WDR41: variants seen among roughly 807,000 people sequenced by gnomAD.
WDR41 encodes the protein WD repeat domain 41.
WDR41 carries 63 observed loss-of-function variants against 69.3 expected under a neutral mutation model. The ratio of observed to expected loss-of-function variants is 0.91; its 90% CI spans 0.74 to 1.12. The LOEUF is 1.12. Among genes scored for constraint, WDR41 ranks in the 50% most tolerant of loss-of-function variants. The probability of loss-of-function intolerance (pLI) is 0.00; values close to 1 mark genes in which losing one functional copy is unlikely to be tolerated. For synonymous variants in WDR41, 185 were observed against 192.1 expected, an observed-to-expected ratio of 0.96 and a Z score of 0.31; for missense variants, 543 against 534.5, an observed-to-expected ratio of 1.02 and a Z score of -0.16.
Position 77,546,029 on chromosome 5 carries a change from A to C in WDR41, c.43-56457T>G, listed in dbSNP as rs967630123. 4.3e-5 allele frequency: 23 copies of C among 539,738 alleles called. No homozygotes were observed. The Middle Eastern group carries it at 1.5e-3, about 36-fold the overall frequency. 33.4% of individuals were successfully genotyped at this position (539,738 alleles called of 1,614,324 possible). A position where few individuals can be genotyped will look rare whatever the true frequency, so the allele number is the denominator to read the frequency against. On this transcript the variant is annotated intron_variant, in intron 1 of 5. Coordinates refer to the WDR41 transcript ENST00000509971. ...GGCCCCTGTGCCCAAGAAGCTGCTG[A>C]TGATGGCTGGTATTGATGACTGCTA...
intron 8 of WDR41, among the ~76,000 whole-genome samples, chr5:77,444,603 G>T (rs1231024647): frequency 1.3e-5 from 2 of 152,174 alleles, no homozygotes; most frequent in Non-Finnish European, 2.9e-5. Flanking sequence ...AAACAGATTT[G>T]CCCTGTGATG....
intron 1 of WDR41, among the ~76,000 whole-genome samples, chr5:77,600,929 A>C (rs74972467): frequency 6.9e-6 from 1 of 144,084 alleles, no homozygotes; most frequent in Non-Finnish European, 1.5e-5. Flanking sequence ...CTCTGTGTGT[A>C]TGTGTGTGTG....
At chr5:77,475,608 G>A (rs1800879540) in intron 2 of WDR41, among the ~76,000 whole-genome samples, 1 of 152,036 alleles carries the variant, frequency 6.6e-6, no homozygotes, top group African/African-American at 2.4e-5. Flanking sequence ...GCAGCTGAGG[G>A]TCCTGTCTGT....
At chr5:77,471,917 A>G (rs981686755) in intron 2 of WDR41, among the ~76,000 whole-genome samples, 6 of 152,218 alleles carry the variant, frequency 3.9e-5, no homozygotes, top group Non-Finnish European at 5.9e-5. Context: ...AATCCTCCTT[A>G]ACTCATGAGG....
chr5:77,511,085 T>G (rs1474361665), intron 1 of WDR41, among the ~76,000 whole-genome samples: 8 of 152,188 alleles, frequency 5.3e-5, no homozygotes, highest in African/African-American at 1.9e-4. Context: ...TTAGAATTTT[T>G]TAAAAAACTA....
chr5:77,551,669 C>A (rs1181839767), intron 1 of WDR41, among the ~76,000 whole-genome samples: 2 of 151,426 alleles, frequency 1.3e-5, no homozygotes, highest in Admixed American at 6.6e-5. Flanking sequence ...CAGAGTGAGA[C>A]TCTGACTCAA....
In WDR41 at chr5:77,520,167, T is replaced by C. The variant is rs141081855; in HGVS notation, c.43-30595A>G. Among the ~76,000 whole-genome samples, 20 of 149,018 alleles carry C rather than the reference T, an allele frequency of 1.3e-4. No individual in the cohort carries two copies. The East Asian group carries it at 3.3e-3, about 24-fold the overall frequency. ...GAGTTCCAGGCCCATTTAGAATGGATTGATTAAATAAAATTAATTTGCTAA... is the reference window on the plus strand; with the variant it reads ...GAGTTCCAGGCCCATTTAGAATGGACTGATTAAATAAAATTAATTTGCTAA... On this transcript the variant is annotated intron_variant, in intron 1 of 5. Coordinates refer to the WDR41 transcript ENST00000509971.
chr5:77,484,281 G>T (rs1801411934), intron 2 of WDR41, among the ~76,000 whole-genome samples: 1 of 152,164 alleles, frequency 6.6e-6, no homozygotes, highest in Non-Finnish European at 1.5e-5. Flanking sequence ...AAGGAGAAAA[G>T]CAGCAAGGGT....
chr5:77,595,385 A>G (rs1744209449), intron 1 of WDR41, among the ~76,000 whole-genome samples: 1 of 152,082 alleles, frequency 6.6e-6, no homozygotes, highest in African/African-American at 2.4e-5. Context: ...AAAATGCAGG[A>G]CTCCAGTAAC....
chr5:77,568,969 C>A (rs1206999401), intron 1 of WDR41, among the ~76,000 whole-genome samples: 2 of 152,102 alleles, frequency 1.3e-5, no homozygotes, highest in African/African-American at 4.8e-5. Context: ...ACAGAGTGGT[C>A]CCAGTGCAGG....
At chr5:77,616,009 A>AT (rs1263852846) in intron 1 of WDR41, among the ~76,000 whole-genome samples, 44 of 151,934 alleles carry the variant, frequency 2.9e-4, no homozygotes, top group African/African-American at 8.7e-4. Context: ...AAATAAATAA[A>AT]TAAATAAATT....
rs867130614 is a variant in WDR41, at chr5:77,534,623, A to G, written c.43-45051T>C. On this transcript the variant is annotated intron_variant, in intron 1 of 5. Coordinates refer to the WDR41 transcript ENST00000509971. ...TAATTTTTGTATTTTTAGTGGAGACAGGCTTTCACTATGTTGCCCAGGCTG... is the reference window on the plus strand; with the variant it reads ...TAATTTTTGTATTTTTAGTGGAGACGGGCTTTCACTATGTTGCCCAGGCTG... Among the ~76,000 whole-genome samples, 9 of 152,134 alleles carry G rather than the reference A, an allele frequency of 5.9e-5. No homozygotes were observed. The South Asian group carries it at 1.9e-3, about 32-fold the overall frequency.
At chr5:77,480,775 GTAAC>G (rs1801196181) in intron 2 of WDR41, among the ~76,000 whole-genome samples, 1 of 150,852 alleles carries the variant, frequency 6.6e-6, no homozygotes, top group Admixed American at 6.6e-5. Flanking sequence ...GTATACATAT[GTAAC>G]TAACCTGCAC....
In WDR41 at chr5:77,433,113, TG is replaced by T. The variant is rs1270039987; in HGVS notation, c.*21del. 6.2e-7 allele frequency: 1 copy of T among 1,602,062 alleles called. No individual in the cohort carries two copies. Among genetic ancestry groups the T allele is most frequent in the Non-Finnish European group, 8.5e-7 (1 of 1,174,382 alleles). On this transcript the variant is annotated 3_prime_UTR_variant, in exon 13 of 13. Coordinates refer to ENST00000296679, the MANE Select transcript of WDR41 (RefSeq NM_018268.4). ...ATATTTGATGTTCAAGGTTCATGCA[TG>T]TGTATTTTTAATTCCTTAAACTAGA...
At chr5:77,516,169 C>T (rs986768699) in intron 1 of WDR41, among the ~76,000 whole-genome samples, 3 of 152,052 alleles carry the variant, frequency 2.0e-5, no homozygotes, top group Non-Finnish European at 4.4e-5. Context: ...TATTTAAAAA[C>T]GTTCTTGTTA....
intron 1 of WDR41, among the ~76,000 whole-genome samples, chr5:77,550,726 A>G (rs1445055596): frequency 6.6e-6 from 1 of 152,222 alleles, no homozygotes; most frequent in Admixed American, 6.5e-5. Flanking sequence ...CAGAAATCCC[A>G]TTACTGAATT....
chr5:77,485,751 GAAGAA>G (rs796741076), intron 2 of WDR41, among the ~76,000 whole-genome samples: 47 of 152,054 alleles, frequency 3.1e-4, no homozygotes, highest in African/African-American at 9.4e-4. Context: ...AAATACTAAA[GAAGAA>G]AAGAAAAGGC....
At chr5:77,586,183 G>T (rs541745324) in intron 1 of WDR41, among the ~76,000 whole-genome samples, 1 of 152,030 alleles carries the variant, frequency 6.6e-6, no homozygotes, top group Non-Finnish European at 1.5e-5. Context: ...TGTGGTGATG[G>T]TTGGATATCT....
At position 77,433,231 on chromosome 5, in the gene WDR41, A is replaced by G; in HGVS notation, c.1284T>C (p.Ile428=). 4 of 1,614,032 alleles carry G rather than the reference A, an allele frequency of 2.5e-6. No individual in the cohort carries two copies. The highest frequency in any genetic ancestry group is 3.4e-6 in the Non-Finnish European group (4 of 1,179,956). ...GLVTCSADHL[I]ILWKNGERES... Reference sequence around the variant, plus strand: ...CTCGCTCTCCATTTTTCCACAAAATAATGAGATGATCAGCGGAGCACGTCA... The same window carrying G: ...CTCGCTCTCCATTTTTCCACAAAATGATGAGATGATCAGCGGAGCACGTCA... The change falls in exon 13 of 13, where the codon ATT becomes ATC. Residue 428 remains isoleucine, a synonymous_variant. Coordinates refer to ENST00000296679, the MANE Select transcript of WDR41 (RefSeq NM_018268.4).
Sources: gnomAD v4.1 joint callset for allele counts (sites outside exome capture counted in the v4.1 genomes callset) on GRCh38, gnomAD v4.1.1 for gene constraint, MANE v1.5 for transcripts, NCBI Gene and HGNC (gene_info 2026-07-23, HGNC 2026-07-21) for gene names.